The following PLOD3 variants were observed in gnomAD, a reference collection of about 807,000 sequenced individuals.
PLOD3 encodes the protein procollagen-lysine,2-oxoglutarate 5-dioxygenase 3, also known as multifunctional procollagen lysine hydroxylase and glycosyltransferase LH3.
Under a neutral mutation model 96.9 loss-of-function variants are expected in PLOD3, and 73 were observed. That is an observed-to-expected ratio of 0.75 (90% confidence interval 0.62 to 0.92). The LOEUF (loss-of-function observed/expected upper bound fraction) is 0.92. Ranked by LOEUF, PLOD3 falls within the 40% of genes least tolerant of loss-of-function variation. PLOD3 has a pLI of 0.00. For synonymous variants in PLOD3, 454 were observed against 413.7 expected, an observed-to-expected ratio of 1.10 and a Z score of -1.18; for missense variants, 1,004 against 1,004.3, an observed-to-expected ratio of 1.00 and a Z score of 0.00.
At chr7:101,215,518 T>C (rs1562895591) in intron 5 of PLOD3, among the ~76,000 whole-genome samples, 1 of 152,174 alleles carries the variant, frequency 6.6e-6, no homozygotes, top group African/African-American at 2.4e-5. Context: ...TTTCCTTTTT[T>C]TGTGAGAGAC....
chr7:101,209,017 G>A (rs1798136127), intron 15 of PLOD3, 60 bp from the exon 16 acceptor site: 4 of 1,208,326 alleles, frequency 3.3e-6, no homozygotes, highest in Non-Finnish European at 3.7e-6. Flanking sequence ...GAAGGGGACA[G>A]GCAGCAGGCA....
rs1208101950 is a variant in PLOD3, at chr7:101,206,809, A to G, written c.2031T>C (p.Val677=). The G allele has an allele frequency of 6.3e-7, 1 of 1,582,608 alleles. No individual in the cohort carries two copies. Among genetic ancestry groups the G allele is most frequent in the Non-Finnish European group, 8.6e-7 (1 of 1,164,066 alleles). ...HHDSSTFTLN[V]ALNHKGLDYE... ...AGTCCAGGCCCTTGTGGTTGAGGGC[A>G]ACGTTGAGGGTGAAGGTGGATGAGT... is the stretch of plus-strand genomic sequence containing the variant. Residue 677 remains valine (V), a synonymous_variant, in exon 18 of 19, where the codon GTT becomes GTC. Coordinates refer to ENST00000223127, the MANE Select transcript of PLOD3 (RefSeq NM_001084.5).
chr7:101,209,229 T>C (rs1223981808), intron 15 of PLOD3, among the ~76,000 whole-genome samples: 1 of 150,398 alleles, frequency 6.6e-6, no homozygotes, highest in African/African-American at 2.4e-5. Flanking sequence ...TTTTTTGAGA[T>C]AGGGTATTGC....
In PLOD3 at chr7:101,217,406, C is replaced by T; in HGVS notation, c.-132G>A. On this transcript the variant is annotated 5_prime_UTR_variant, in exon 1 of 19. Transcript: ENST00000223127. ...GCGGCCGCCGCGGGGAGCAGCTTGG[C>T]TGGGGCTACGCCCTGAAAAAAAGGC... The T allele has an allele frequency of 1.1e-6, 1 of 890,680 alleles. No individual in the cohort carries two copies. The highest frequency in any genetic ancestry group is 1.5e-6 in the Non-Finnish European group (1 of 649,418). 55.2% of individuals were successfully genotyped at this position (890,680 alleles called of 1,614,324 possible). A position where few individuals can be genotyped will look rare whatever the true frequency, so the allele number is the denominator to read the frequency against.
Position 101,216,706 on chromosome 7 carries a change from A to C in PLOD3, c.190T>G (p.Tyr64Asp). 6.2e-7 allele frequency: 1 copy of C among 1,613,412 alleles called. No individual in the cohort carries two copies. Among genetic ancestry groups the C allele is most frequent in the Non-Finnish European group, 8.5e-7 (1 of 1,179,488 alleles). The change falls in exon 2 of 19, where the codon TAC becomes GAC. Residue 64 changes from tyrosine to aspartate, a missense_variant. Transcript: ENST00000223127. ...TTCCCTCTCCTCACCCGCACAGTGTAGTTGAAGAACTCCGCAGAGCGCAGG... is the reference window on the plus strand; with the variant it reads ...TTCCCTCTCCTCACCCGCACAGTGTCGTTGAAGAACTCCGCAGAGCGCAGG... ...RFLRSAEFFN[Y>D]TVRTLGLGEE... is the part of the protein sequence containing the mutation.
At position 101,212,578 on chromosome 7, in the gene PLOD3, T is replaced by G; in HGVS notation, c.957A>C (p.Leu319=). ...PFLPRFLQRL[L]LLDYPPDRVT... ...CCCTGTCGGGGGGATAGTCCAGGAG[T>G]AGCAGCCGCTGCAGGAAGCGGGGCA... The change falls in exon 9 of 19, where the codon CTA becomes CTC. Residue 319 remains leucine, a synonymous_variant. Transcript: ENST00000223127. 6.2e-7 allele frequency: 1 copy of G among 1,612,636 alleles called. No individual in the cohort carries two copies. Among genetic ancestry groups the G allele is most frequent in the Non-Finnish European group, 8.5e-7 (1 of 1,179,564 alleles).
intron 15 of PLOD3, 53 bp from the exon 16 acceptor site, chr7:101,209,010 G>T: frequency 1.5e-6 from 2 of 1,293,254 alleles, no homozygotes; most frequent in South Asian, 1.2e-5. Flanking sequence ...GAACGGGGAA[G>T]GGGACAGGCA....
In PLOD3 at chr7:101,206,302, C is replaced by T. The variant is rs1798082294; in HGVS notation, c.2196G>A (p.Met732Ile). The change falls in exon 19 of 19, where the codon ATG becomes ATA. Residue 732 changes from methionine (M) to isoleucine (I), a missense_variant. By Grantham distance (10) the Met-to-Ile change is conservative. Transcript: ENST00000223127. ...LPTTWGTRYI[M>I]VSFVDP Reference sequence around the variant, plus strand: ...AGTGTCAGGGGTCGACAAAGGACACCATGATGTAGCGTGTGCCCCAGGTCG... The same window carrying T: ...AGTGTCAGGGGTCGACAAAGGACACTATGATGTAGCGTGTGCCCCAGGTCG... 3 of 1,613,966 alleles carry T rather than the reference C, an allele frequency of 1.9e-6. No homozygotes were observed. Among genetic ancestry groups the T allele is most frequent in the Non-Finnish European group, 2.5e-6 (3 of 1,179,924 alleles).
intron 14 of PLOD3, 63 bp from the exon 15 acceptor site, chr7:101,210,224 G>T: frequency 6.8e-7 from 1 of 1,476,442 alleles, no homozygotes; most frequent in Non-Finnish European, 9.4e-7. Context: ...CCAGGGGACC[G>T]CCCCCTCCCA....
At chr7:101,207,206 C>T (rs1171716936) in intron 17 of PLOD3, among the ~76,000 whole-genome samples, 2 of 152,204 alleles carry the variant, frequency 1.3e-5, no homozygotes, top group East Asian at 3.9e-4. Flanking sequence ...GAACTCCTGA[C>T]CTCAGGTGAT....
rs954059026 is a variant in PLOD3 at position 101,217,439 on chromosome 7, G to A, written c.-165C>T. ...ACGCCCTGAAAAAAAGGCGTATCCG[G>A]AGGCTACAGAAAGCTCCAGATGCCG... On this transcript the variant is annotated 5_prime_UTR_variant, in exon 1 of 19. Transcript: ENST00000223127. 6 of 610,600 alleles carry A rather than the reference G, an allele frequency of 9.8e-6. No individual in the cohort carries two copies. Among genetic ancestry groups the A allele is most frequent in the African/African-American group, 3.9e-5 (2 of 51,426 alleles). The allele number at this position is 610,600 out of a possible 1,614,324, so 37.8% of individuals were successfully genotyped here. A position where few individuals can be genotyped will look rare whatever the true frequency, so the allele number is the denominator to read the frequency against.
intron 17 of PLOD3, 146 bp from the exon 18 acceptor site, chr7:101,207,050 A>G (rs1426111530): frequency 1.0e-6 from 1 of 965,190 alleles, no homozygotes. Context: ...ATCTTGGCTC[A>G]CTGCAACCTC....
chr7:101,209,069 A>G, intron 15 of PLOD3, 112 bp from the exon 16 acceptor site: 1 of 813,128 alleles, frequency 1.2e-6, no homozygotes, highest in Non-Finnish European at 2.1e-6. Context: ...GCTTTGTGAG[A>G]GCAGCCGGGG....
At chr7:101,215,228 C>G (rs1376961041) in intron 5 of PLOD3, 76 bp from the exon 6 acceptor site, 3 of 1,110,042 alleles carry the variant, frequency 2.7e-6, no homozygotes, top group Admixed American at 1.7e-5. Flanking sequence ...TTTTCTCTCT[C>G]TTTTTTTCTT....
Position 101,217,291 on chromosome 7 carries a change from A to G in PLOD3, c.-17T>C, listed in dbSNP as rs1798294963. The G allele has an allele frequency of 6.9e-7, 1 of 1,449,506 alleles. No individual in the cohort carries two copies. The allele number at this position is 1,449,506 out of a possible 1,614,324, so 89.8% of individuals were successfully genotyped here. A position where few individuals can be genotyped will look rare whatever the true frequency, so the allele number is the denominator to read the frequency against. On this transcript the variant is annotated 5_prime_UTR_variant, in exon 1 of 19. Coordinates refer to ENST00000223127, the MANE Select transcript of PLOD3 (RefSeq NM_001084.5). ...GGAGGTCATGGTGGGGAGCGGGCCCAGACAGCACCCAGGATCCTGGGATCT... is the reference window on the plus strand; with the variant it reads ...GGAGGTCATGGTGGGGAGCGGGCCCGGACAGCACCCAGGATCCTGGGATCT...
chr7:101,208,880 G>A lies in PLOD3; in HGVS notation c.1761C>T (p.Tyr587=), dbSNP rs549873958. The change falls in exon 16 of 19, where the codon TAC becomes TAT. Residue 587 remains tyrosine, a synonymous_variant. Transcript: ENST00000223127. ...CDELVAEMEH[Y]GQWSGGRHED... ...CATGCCGGCCGCCTGACCACTGGCC[G>A]TAGTGCTCCATCTCTGCCACCAGCT... The A allele has an allele frequency of 3.4e-5, 55 of 1,613,506 alleles. 1 individual carries two copies. Among genetic ancestry groups the A allele is most frequent in the South Asian group, 2.4e-4 (22 of 91,062 alleles).
At chr7:101,208,996 C>A (rs41281010) in intron 15 of PLOD3, 39 bp from the exon 16 acceptor site, 1 of 1,414,238 alleles carries the variant, frequency 7.1e-7, no homozygotes, top group Admixed American at 1.7e-5. Context: ...TAGCTGACGC[C>A]GCAGAACGGG....
chr7:101,212,608 C>A lies in PLOD3; in HGVS notation c.927G>T (p.Pro309=). 1 of 1,613,788 alleles carries A rather than the reference C, an allele frequency of 6.2e-7. No homozygotes were observed. The highest frequency in any genetic ancestry group is 8.5e-7 in the Non-Finnish European group (1 of 1,179,896). Residue 309 remains proline (P), a synonymous_variant, in exon 9 of 19, where the codon CCG becomes CCT. Coordinates refer to ENST00000223127, the MANE Select transcript of PLOD3 (RefSeq NM_001084.5). ...FLAVFVEQPT[P]FLPRFLQRLL... ...GCCGCTGCAGGAAGCGGGGCAGAAA[C>A]GGAGTAGGCTGTTCCACAAACACGG...
chr7:101,214,327 C>T (rs924664471), intron 6 of PLOD3, among the ~76,000 whole-genome samples: 3 of 151,912 alleles, frequency 2.0e-5, no homozygotes, highest in African/African-American at 2.4e-5. Context: ...GACGGGTTTT[C>T]GCCATGTTGG....
Sources: gnomAD v4.1 joint callset for allele counts (sites outside exome capture counted in the v4.1 genomes callset) on GRCh38, gnomAD v4.1.1 for gene constraint, MANE v1.5 for transcripts, NCBI Gene and HGNC (gene_info 2026-07-23, HGNC 2026-07-21) for gene names.